The following RSRC1 variants were observed in gnomAD, a reference collection of about 807,000 sequenced individuals.
RSRC1 encodes the protein arginine and serine rich coiled-coil 1.
Under a neutral mutation model 49.1 loss-of-function variants are expected in RSRC1, and 39 were observed. The ratio of observed to expected loss-of-function variants is 0.79; its 90% CI spans 0.61 to 1.04. The LOEUF (loss-of-function observed/expected upper bound fraction) is 1.04, where lower values mean the gene tolerates loss of function less well. Ranked by LOEUF, RSRC1 falls within the 50% of genes least tolerant of loss-of-function variation. The pLI is 0.00. For missense variants in RSRC1, 388 were observed against 402.4 expected (o/e 0.96, Z 0.31); for synonymous variants, 143 against 130.8 (o/e 1.09, Z -0.63).
intron 6 of RSRC1, among the ~76,000 whole-genome samples, chr3:158,437,691 A>G (rs1736127866): frequency 6.6e-6 from 1 of 152,228 alleles, no homozygotes; most frequent in Non-Finnish European, 1.5e-5. Context: ...GCTATTTATG[A>G]CAAACTCACA....
chr3:158,137,603 T>C (rs753963330), intron 3 of RSRC1, among the ~76,000 whole-genome samples: 1 of 151,936 alleles, frequency 6.6e-6, no homozygotes, highest in South Asian at 2.1e-4. Context: ...AAGTTCTTAG[T>C]TGGCAGAAGA....
chr3:158,316,365 C>T (rs529580795), intron 5 of RSRC1, among the ~76,000 whole-genome samples: 199 of 151,572 alleles, frequency 1.3e-3, no homozygotes, highest in Non-Finnish European at 1.7e-3. Flanking sequence ...ATGTGTACTT[C>T]CCTACTCTGT....
At chr3:158,473,992 G>A (rs146800779) in intron 7 of RSRC1, among the ~76,000 whole-genome samples, 356 of 152,214 alleles carry the variant, frequency 2.3e-3, no homozygotes, top group African/African-American at 8.4e-3. Context: ...TACAGGTTTT[G>A]TATGATATGT....
chr3:158,261,122 A>C (rs189741346), intron 4 of RSRC1, among the ~76,000 whole-genome samples: 1 of 152,288 alleles, frequency 6.6e-6, no homozygotes, highest in Non-Finnish European at 1.5e-5. Context: ...TGATCACTGC[A>C]GGCTCCTATT....
intron 6 of RSRC1, among the ~76,000 whole-genome samples, chr3:158,400,711 A>T (rs1355914536): frequency 1.3e-5 from 2 of 152,136 alleles, no homozygotes; most frequent in Non-Finnish European, 2.9e-5. Context: ...TGAAGAAAGA[A>T]AATATTTTTG....
chr3:158,271,713 G>T (rs1725527453), intron 4 of RSRC1, among the ~76,000 whole-genome samples: 1 of 151,990 alleles, frequency 6.6e-6, no homozygotes, highest in African/African-American at 2.4e-5. Flanking sequence ...GCATTATAAA[G>T]ATAACATCTA....
intron 4 of RSRC1, among the ~76,000 whole-genome samples, chr3:158,240,401 T>A (rs756020020): frequency 1.1e-4 from 17 of 152,148 alleles, no homozygotes; most frequent in Admixed American, 3.3e-4. Context: ...ATTTTTGTAG[T>A]TTTTAAACCC....
intron 5 of RSRC1, among the ~76,000 whole-genome samples, chr3:158,328,731 C>G (rs1454992445): frequency 6.6e-6 from 1 of 152,046 alleles, no homozygotes. Flanking sequence ...ATGCTCTTCT[C>G]GAGGAGTATC....
In RSRC1 at chr3:158,487,949, GAAAAAAA is replaced by G. The variant is rs58689210; in HGVS notation, c.652+26965_652+26971del. Among the ~76,000 whole-genome samples, 10 of 28,922 alleles carry G rather than the reference GAAAAAAA, an allele frequency of 3.5e-4. 1 individual carries two copies. Among genetic ancestry groups the G allele is most frequent in the Middle Eastern group, 0.036 (1 of 28 alleles). The allele number at this position is 28,922 out of a possible 152,430, so 19.0% of individuals were successfully genotyped here. A position where few individuals can be genotyped will look rare whatever the true frequency, so the allele number is the denominator to read the frequency against. ...TAGGAGACAAGAGACTCCATCTCAA[GAAAAAAA>G]AAAAAAAAAAAAAAAAAACTGGCTG... On this transcript the variant is annotated intron_variant, in intron 7 of 9. Transcript: ENST00000611884.
At chr3:158,283,522 C>T (rs1316088628) in intron 4 of RSRC1, among the ~76,000 whole-genome samples, 1 of 152,004 alleles carries the variant, frequency 6.6e-6, no homozygotes, top group African/African-American at 2.4e-5. Flanking sequence ...AAAAAACTTA[C>T]TATAGCACAA....
intron 3 of RSRC1, among the ~76,000 whole-genome samples, chr3:158,144,138 A>T (rs1009661877): frequency 1.9e-4 from 29 of 152,244 alleles, no homozygotes; most frequent in East Asian, 1.9e-4. Flanking sequence ...AATTTTTTTT[A>T]AATTATTTTA....
At chr3:158,346,245 G>A (rs777151923) in intron 5 of RSRC1, among the ~76,000 whole-genome samples, 4 of 152,074 alleles carry the variant, frequency 2.6e-5, no homozygotes, top group Non-Finnish European at 4.4e-5. Context: ...CCAGGAGTTT[G>A]AAGCTGCAAT....
At chr3:158,440,018 C>T (rs754710789) in intron 6 of RSRC1, among the ~76,000 whole-genome samples, 9 of 150,682 alleles carry the variant, frequency 6.0e-5, no homozygotes, top group Non-Finnish European at 1.2e-4. Context: ...CTAATGCATG[C>T]GGTGCTTAAA....
rs34356543 is a variant in RSRC1, at chr3:158,242,032, C to CTTTTT, written c.494+38809_494+38813dup. 4.4e-4 allele frequency among the ~76,000 whole-genome samples: 29 copies of CTTTTT among 66,630 alleles called. 3 individuals are homozygous for CTTTTT. The highest frequency in any genetic ancestry group is 1.5e-3 in the African/African-American group (23 of 15,312). 43.7% of individuals were successfully genotyped at this position (66,630 alleles called of 152,430 possible). A position where few individuals can be genotyped will look rare whatever the true frequency, so the allele number is the denominator to read the frequency against. On this transcript the variant is annotated intron_variant, in intron 4 of 9. Coordinates refer to ENST00000611884, the MANE Select transcript of RSRC1 (RefSeq NM_001271838.2). ...TTCTTTGTTTTTCTTAATTTCCAAC[C>CTTTTT]TTTTTTTTTTTTTTTTTTTTTTTTT...
At chr3:158,124,022 A>T (rs200708822) in intron 3 of RSRC1, 31 bp downstream of exon 3, 1 of 1,451,706 alleles carries the variant, frequency 6.9e-7, no homozygotes. Flanking sequence ...ATTGCTTTGT[A>T]ACAAATTATT....
chr3:158,404,885 T>C (rs1276031323), intron 6 of RSRC1, among the ~76,000 whole-genome samples: 1 of 152,022 alleles, frequency 6.6e-6, no homozygotes, highest in Non-Finnish European at 1.5e-5. Context: ...GTTTTCTTTT[T>C]CTTTAGTGTT....
intron 3 of RSRC1, among the ~76,000 whole-genome samples, chr3:158,149,773 C>T (rs1388044378): frequency 1.3e-5 from 2 of 152,242 alleles, no homozygotes; most frequent in East Asian, 3.9e-4. Context: ...GCATGGCTAT[C>T]AAGTAACTAC....
At chr3:158,118,417 G>GTC (rs1714999480) in intron 1 of RSRC1, among the ~76,000 whole-genome samples, 1 of 70,084 alleles carries the variant, frequency 1.4e-5, no homozygotes, top group South Asian at 4.3e-4. Context: ...GGCCTTCTGT[G>GTC]TGTGTGTGTG....
chr3:158,374,145 A>G (rs1262600561), intron 6 of RSRC1, among the ~76,000 whole-genome samples: 3 of 152,102 alleles, frequency 2.0e-5, no homozygotes, highest in Non-Finnish European at 2.9e-5. Context: ...GATTATTACA[A>G]TACTCTAACG....
Sources: gnomAD v4.1 joint callset for allele counts (sites outside exome capture counted in the v4.1 genomes callset) on GRCh38, gnomAD v4.1.1 for gene constraint, MANE v1.5 for transcripts, NCBI Gene and HGNC (gene_info 2026-07-23, HGNC 2026-07-21) for gene names.